WWOX: variants seen among roughly 807,000 people sequenced by gnomAD.
WWOX encodes the protein WW domain-containing oxidoreductase.
In WWOX, 69 loss-of-function variants were observed where a neutral mutation model predicts 46.2. The ratio of observed to expected loss-of-function variants is 1.49; its 90% CI spans 1.23 to 1.82. The LOEUF (loss-of-function observed/expected upper bound fraction) is 1.82, where lower values mean the gene tolerates loss of function less well. Ranked by LOEUF, WWOX falls within the 40% of genes most tolerant of loss-of-function variation. WWOX has a pLI of 0.00. For missense variants in WWOX, 919 were observed against 542.6 expected (o/e 1.69, Z -6.89); for synonymous variants, 359 against 202.6 (o/e 1.77, Z -6.56).
At chr16:78,770,464 G>A (rs1431490878) in intron 8 of WWOX, among the ~76,000 whole-genome samples, 3 of 152,178 alleles carry the variant, frequency 2.0e-5, no homozygotes, top group East Asian at 1.9e-4. Context: ...GGGTCCCCAC[G>A]GGCCAGGACT....
intron 8 of WWOX, among the ~76,000 whole-genome samples, chr16:79,047,415 GATTA>G (rs1211379600): frequency 2.0e-5 from 3 of 152,172 alleles, no homozygotes; most frequent in South Asian, 2.1e-4. Flanking sequence ...TTGGTTAATT[GATTA>G]ATTGATTGAT....
intron 8 of WWOX, among the ~76,000 whole-genome samples, chr16:78,916,450 T>G (rs1567647057): frequency 6.6e-6 from 1 of 152,186 alleles, no homozygotes; most frequent in South Asian, 2.1e-4. Flanking sequence ...GCCACAATTA[T>G]CGCTAAAGAG....
At chr16:78,159,848 C>T (rs1288789101) in intron 4 of WWOX, among the ~76,000 whole-genome samples, 1 of 151,850 alleles carries the variant, frequency 6.6e-6, no homozygotes, top group African/African-American at 2.4e-5. Flanking sequence ...TACGTAACCT[C>T]ACTTGTCTAG....
chr16:78,154,773 G>A (rs1277715016), intron 4 of WWOX, among the ~76,000 whole-genome samples: 1 of 152,106 alleles, frequency 6.6e-6, no homozygotes, highest in East Asian at 1.9e-4. Flanking sequence ...GGTTTGACAT[G>A]GTTTAAATAA....
chr16:78,375,625 A>G (rs1211432627), intron 5 of WWOX, among the ~76,000 whole-genome samples: 6 of 152,210 alleles, frequency 3.9e-5, no homozygotes, highest in Non-Finnish European at 7.3e-5. Context: ...GGAAATTGGT[A>G]TAACCTTTTT....
At chr16:78,882,827 T>TA (rs75984932) in intron 8 of WWOX, among the ~76,000 whole-genome samples, 37,278 of 143,278 alleles carry the variant, frequency 0.26, 4,892 homozygotes, top group Middle Eastern at 0.4. Context: ...TGCCACCATT[T>TA]AAAAAAAAAA....
intron 8 of WWOX, among the ~76,000 whole-genome samples, chr16:79,159,637 T>G (rs887728804): frequency 6.6e-6 from 1 of 152,198 alleles, no homozygotes; most frequent in African/African-American, 2.4e-5. Flanking sequence ...TCTCTCCCCG[T>G]GTCCCCTTGC....
At chr16:78,430,197 C>T (rs1184547676) in intron 7 of WWOX, among the ~76,000 whole-genome samples, 1 of 152,084 alleles carries the variant, frequency 6.6e-6, no homozygotes, top group African/African-American at 2.4e-5. Flanking sequence ...ATAAAACCAT[C>T]AGATTTCGTG....
intron 8 of WWOX, among the ~76,000 whole-genome samples, chr16:78,928,241 C>T (rs1203086473): frequency 7.0e-5 from 10 of 142,516 alleles, no homozygotes; most frequent in South Asian, 6.6e-4. Flanking sequence ...CTCGCTCTGT[C>T]GCCCAGGCTG....
rs1038783921 is a variant in WWOX, at chr16:78,100,826, A to C, written c.107+941A>C. On this transcript the variant is annotated intron_variant, in intron 1 of 8. Transcript: ENST00000566780. ...ATACGACAGTGCCTCTTATATCGGC[A>C]CCTTAGAATCACCTAGGAAATGTCC... Among the ~76,000 whole-genome samples, 4 of 152,098 alleles carry C rather than the reference A, an allele frequency of 2.6e-5. No individual in the cohort carries two copies. In the East Asian group the frequency reaches 7.7e-4, roughly 29 times the overall value.
Position 78,510,419 on chromosome 16 carries a change from G to T in WWOX, c.1056+77667G>T, listed in dbSNP as rs1042648069. On this transcript the variant is annotated intron_variant, in intron 8 of 8. Coordinates refer to ENST00000566780, the MANE Select transcript of WWOX (RefSeq NM_016373.4). ...TGGAGTTTCACCCTTTTGATTGGTT[G>T]GCCAGTATGGTCTCAAACTCCTGAC... 2.0e-5 allele frequency among the ~76,000 whole-genome samples: 3 copies of T among 152,046 alleles called. No homozygotes were observed. The East Asian group carries it at 5.8e-4, about 29-fold the overall frequency.
chr16:78,849,849 G>C (rs1384980984), intron 8 of WWOX, among the ~76,000 whole-genome samples: 1 of 152,124 alleles, frequency 6.6e-6, no homozygotes, highest in African/African-American at 2.4e-5. Context: ...GAGGTGGTCA[G>C]ATCACCTAAG....
chr16:78,913,716 C>T (rs1430541823), intron 8 of WWOX, among the ~76,000 whole-genome samples: 1 of 151,298 alleles, frequency 6.6e-6, no homozygotes, highest in East Asian at 1.9e-4. Flanking sequence ...GACTTGGGTG[C>T]AATGGTGCCA....
At chr16:78,856,157 C>A (rs916524370) in intron 8 of WWOX, among the ~76,000 whole-genome samples, 15 of 151,974 alleles carry the variant, frequency 9.9e-5, no homozygotes, top group Admixed American at 3.3e-4. Context: ...TCAGTCTGGT[C>A]CCTAGAAATA....
chr16:78,988,456 T>G (rs2151343027), intron 8 of WWOX, among the ~76,000 whole-genome samples: 2 of 152,088 alleles, frequency 1.3e-5, no homozygotes, highest in South Asian at 4.2e-4. Flanking sequence ...TGGAGACAGT[T>G]GAAGGTGCCA....
chr16:78,917,361 C>G lies in WWOX; in HGVS notation c.1057-294247C>G, dbSNP rs900439829. On this transcript the variant is annotated intron_variant, in intron 8 of 8. Coordinates refer to ENST00000566780, the MANE Select transcript of WWOX (RefSeq NM_016373.4). ...CACTCAAATAAACATCCTTTAAATA[C>G]CTCTAGATGCTTATAATTCCTGTTG... 3.3e-5 allele frequency among the ~76,000 whole-genome samples: 5 copies of G among 152,298 alleles called. No individual in the cohort carries two copies. The South Asian group carries it at 1.0e-3, about 32-fold the overall frequency.
chr16:78,381,484 T>A (rs1190685961), intron 5 of WWOX, among the ~76,000 whole-genome samples: 3 of 152,226 alleles, frequency 2.0e-5, no homozygotes, highest in African/African-American at 7.2e-5. Flanking sequence ...CAAGTGGGCT[T>A]CTGAGCTACA....
At chr16:78,998,867 C>T (rs568819430) in intron 8 of WWOX, among the ~76,000 whole-genome samples, 2 of 152,280 alleles carry the variant, frequency 1.3e-5, no homozygotes, top group African/African-American at 4.8e-5. Context: ...CTCAAAGTTC[C>T]CTTATGCCTG....
intron 8 of WWOX, among the ~76,000 whole-genome samples, chr16:78,571,960 G>C (rs559877932): frequency 5.3e-4 from 80 of 152,334 alleles, no homozygotes; most frequent in Middle Eastern, 3.4e-3. Flanking sequence ...ACAAGCACTG[G>C]AAGGATGTGG....
Sources: allele counts gnomAD v4.1 joint callset (sites outside exome capture counted in the v4.1 genomes callset), GRCh38; gene constraint gnomAD v4.1.1; transcripts MANE v1.5; gene names NCBI Gene and HGNC (gene_info 2026-07-23, HGNC 2026-07-21).